TANC2: variants seen among roughly 807,000 people sequenced by gnomAD.
The protein encoded by TANC2 is tetratricopeptide repeat, ankyrin repeat and coiled-coil containing 2, also known as protein TANC2.
In TANC2, 26 loss-of-function variants were observed where a neutral mutation model predicts 210.5. That is an observed-to-expected ratio of 0.12 (90% CI 0.09 to 0.17). The LOEUF is 0.17. Ranked by LOEUF, TANC2 falls within the 10% of genes least tolerant of loss-of-function variation. The pLI is 1.00. For synonymous variants in TANC2, 931 were observed against 967.1 expected (o/e 0.96, Z 0.69); for missense variants, 2,129 against 2,608.9 (o/e 0.82, Z 4.01).
chr17:63,406,417 C>G (rs2048509722), intron 21 of TANC2, 140 bp downstream of exon 21: 1 of 1,170,316 alleles, frequency 8.5e-7, no homozygotes, highest in Non-Finnish European at 1.2e-6. Flanking sequence ...TATCTCCTCC[C>G]CTCTTGTATT....
intron 2 of TANC2, among the ~76,000 whole-genome samples, chr17:63,059,468 A>G (rs1191910629): frequency 6.6e-6 from 1 of 152,192 alleles, no homozygotes; most frequent in African/African-American, 2.4e-5. Flanking sequence ...CTATACAGCT[A>G]TTAATTCATT....
At chr17:63,271,615 C>A (rs756935288) in intron 9 of TANC2, among the ~76,000 whole-genome samples, 4 of 151,456 alleles carry the variant, frequency 2.6e-5, no homozygotes, top group Non-Finnish European at 4.4e-5. Flanking sequence ...CTTGCCCCCC[C>A]CATCCCCCAA....
intron 2 of TANC2, among the ~76,000 whole-genome samples, chr17:63,070,081 T>G (rs1363065408): frequency 6.6e-6 from 1 of 152,168 alleles, no homozygotes; most frequent in Non-Finnish European, 1.5e-5. Context: ...ATAATTTTGG[T>G]TTCAAACCCA....
chr17:63,290,252 C>T (rs909230216), intron 9 of TANC2, among the ~76,000 whole-genome samples: 1 of 152,112 alleles, frequency 6.6e-6, no homozygotes, highest in Non-Finnish European at 1.5e-5. Flanking sequence ...TCTGAGTGCC[C>T]CTGGAGTTGT....
At chr17:62,967,790 A>T (rs1182665861) in intron 1 of TANC2, 4 of 152,054 alleles carry the variant, frequency 2.6e-5, no homozygotes, top group Non-Finnish European at 5.9e-5. Flanking sequence ...GAACGGCAGT[A>T]CTAAAATATT....
chr17:63,023,157 G>A (rs2034419245), intron 2 of TANC2, among the ~76,000 whole-genome samples: 2 of 152,204 alleles, frequency 1.3e-5, no homozygotes, highest in African/African-American at 2.4e-5. Context: ...TGCAGCCACT[G>A]GCAGCATGCA....
intron 14 of TANC2, among the ~76,000 whole-genome samples, chr17:63,371,531 TAA>T (rs1173363379): frequency 1.3e-5 from 2 of 152,144 alleles, no homozygotes; most frequent in African/African-American, 2.4e-5. Flanking sequence ...GGTTGTATAT[TAA>T]GTTTGTCATC....
exon 28 of TANC2, chr17:63,422,007 CTT>C: frequency 6.5e-7 from 1 of 1,537,876 alleles, no homozygotes; most frequent in Non-Finnish European, 8.8e-7. Context: ...CATTTTCAGG[CTT>C]GGTTTCCACA....
At position 63,206,447 on chromosome 17, in the gene TANC2, T is replaced by TA. The variant is rs755758055; in HGVS notation, c.769+5491dup. Among the ~76,000 whole-genome samples the TA allele has an allele frequency of 2.3e-4, 35 of 152,304 alleles. No individual in the cohort carries two copies. In the Middle Eastern group the frequency reaches 0.01, roughly 44 times the overall value. ...CACAACGGCCAAAAAGTGGAAATAA[T>TA]ACAAATGAATATGGACAGATGACTG... On this transcript the variant is annotated intron_variant, in intron 7 of 27. Transcript: ENST00000689528.
rs1377772396 is a variant in TANC2 at position 62,966,406 on chromosome 17, C to T, written c.-367C>T. On this transcript the variant is annotated 5_prime_UTR_variant, in exon 1 of 28. Coordinates refer to ENST00000689528, the Ensembl canonical transcript of TANC2. The surrounding 1 kb of genome is among the most constrained non-coding windows in gnomAD (Gnocchi z 5.1). ...CTGCCCTCCCGCCGCCACCGCCCTC[C>T]GCGCCTCCTTCGGGCGGCCCCGCCC... Among the ~76,000 whole-genome samples the T allele has an allele frequency of 2.0e-5, 3 of 147,778 alleles. No homozygotes were observed. The highest frequency in any genetic ancestry group is 7.3e-5 in the African/African-American group (3 of 41,000).
rs987471383 is a variant in TANC2 at position 63,082,472 on chromosome 17, A to T, written c.139+8458A>T. Among the ~76,000 whole-genome samples the T allele has an allele frequency of 2.6e-5, 4 of 152,194 alleles. No homozygotes were observed. The East Asian group carries it at 5.8e-4, about 22-fold the overall frequency. ...CCCACAAGGGGGCAGAATAAGACAA[A>T]CCTGAAAACCTTCACACTATAAACA... On this transcript the variant is annotated intron_variant, in intron 3 of 27. Coordinates refer to ENST00000689528, the Ensembl canonical transcript of TANC2.
intron 13 of TANC2, among the ~76,000 whole-genome samples, chr17:63,352,556 C>G (rs986142140): frequency 6.6e-6 from 1 of 152,162 alleles, no homozygotes; most frequent in African/African-American, 2.4e-5. Flanking sequence ...GGAATGTAAT[C>G]TCTGACTGCT....
At chr17:63,031,567 G>A (rs2034771251) in intron 2 of TANC2, among the ~76,000 whole-genome samples, 1 of 152,054 alleles carries the variant, frequency 6.6e-6, no homozygotes, top group African/African-American at 2.4e-5. Flanking sequence ...AAAATGGTCA[G>A]ACCATTCAGT....
At chr17:63,270,816 C>T (rs1356659591) in intron 9 of TANC2, among the ~76,000 whole-genome samples, 2 of 152,128 alleles carry the variant, frequency 1.3e-5, no homozygotes, top group East Asian at 3.9e-4. Context: ...TTTCCCTCCT[C>T]CTACCTCCTC....
At chr17:63,047,686 C>A (rs1329113536) in intron 2 of TANC2, among the ~76,000 whole-genome samples, 1 of 151,918 alleles carries the variant, frequency 6.6e-6, no homozygotes, top group Non-Finnish European at 1.5e-5. Flanking sequence ...TAGGGGCTCC[C>A]TAGTAGAATA....
At chr17:63,269,727 T>G (rs190704417) in intron 9 of TANC2, among the ~76,000 whole-genome samples, 1 of 152,282 alleles carries the variant, frequency 6.6e-6, no homozygotes, top group Admixed American at 6.5e-5. Flanking sequence ...CTTTAACAGA[T>G]ACATTCTGGT....
At chr17:63,023,415 A>C (rs2034429791) in intron 2 of TANC2, among the ~76,000 whole-genome samples, 2 of 152,298 alleles carry the variant, frequency 1.3e-5, no homozygotes, top group African/African-American at 4.8e-5. Flanking sequence ...TATGTTGCCC[A>C]GACTAGACTC....
Position 63,166,330 on chromosome 17 carries a change from A to T in TANC2, c.433+14950A>T, listed in dbSNP as rs925897290. On this transcript the variant is annotated intron_variant, in intron 5 of 27. Transcript: ENST00000689528. The stretch of plus-strand genomic sequence containing the variant: ...AGCACAGAGAGAGAGAGAGAGAGAG[A>T]TAGAGATTGTTTGGAGGACTTTTTT... Among the ~76,000 whole-genome samples, 9 of 151,980 alleles carry T rather than the reference A, an allele frequency of 5.9e-5. No homozygotes were observed. In the South Asian group the frequency reaches 1.5e-3, roughly 25 times the overall value.
At chr17:63,080,340 T>C (rs2036728256) in intron 3 of TANC2, among the ~76,000 whole-genome samples, 1 of 152,216 alleles carries the variant, frequency 6.6e-6, no homozygotes, top group Non-Finnish European at 1.5e-5. Context: ...CTTACTTGGT[T>C]CTAGACATTA....
Sources: allele counts gnomAD v4.1 joint callset (sites outside exome capture counted in the v4.1 genomes callset), GRCh38; gene constraint gnomAD v4.1.1; non-coding constraint Gnocchi (gnomAD v3.1); transcripts MANE v1.5; gene names NCBI Gene and HGNC (gene_info 2026-07-23, HGNC 2026-07-21).